Variants in ZKSCAN2 observed in about 807,000 individuals in gnomAD.
The protein encoded by ZKSCAN2 is zinc finger with KRAB and SCAN domains 2, also known as zinc finger protein with KRAB and SCAN domains 2.
ZKSCAN2 carries 38 observed loss-of-function variants against 90.5 expected under a neutral mutation model. The ratio of observed to expected loss-of-function variants is 0.42; its 90% CI spans 0.32 to 0.55. The LOEUF (loss-of-function observed/expected upper bound fraction) is 0.55, where lower values mean the gene tolerates loss of function less well. ZKSCAN2 is among the 20% of genes least tolerant of loss of function. ZKSCAN2 has a pLI of 0.11. For missense variants in ZKSCAN2, 1,167 were observed against 1,202.6 expected, an observed-to-expected ratio of 0.97 and a Z score of 0.44; for synonymous variants, 429 against 421.6, an observed-to-expected ratio of 1.02 and a Z score of -0.22.
At position 25,240,054 on chromosome 16, in the gene ZKSCAN2, C is replaced by T; in HGVS notation, c.2666G>A (p.Cys889Tyr). Residue 889 changes from cysteine (C) to tyrosine (Y), a missense_variant, in exon 7 of 7, where the codon TGT becomes TAT. Cys to Tyr is a radical substitution (Grantham distance 194, BLOSUM62 -2). Transcript: ENST00000328086. ...ATTGAAACTTTTTTCACAGTCCACA[C>T]ATTTGTAGGGATTCTCCCCAGTGTG... Reference protein sequence around the residue: ...RVHTGENPYKCVDCEKSFNNC... With the variant: ...RVHTGENPYKYVDCEKSFNNC... 1 of 1,614,098 alleles carries T rather than the reference C, an allele frequency of 6.2e-7. No individual in the cohort carries two copies. The highest frequency in any genetic ancestry group is 1.7e-5 in the Admixed American group (1 of 60,016).
chr16:25,236,954 A>G lies in ZKSCAN2; in HGVS notation c.*2862T>C, dbSNP rs1469061531. 2 of 152,632 alleles carry G rather than the reference A, an allele frequency of 1.3e-5. No homozygotes were observed. The allele number at this position is 152,632 out of a possible 1,614,324, so 9.5% of individuals were successfully genotyped here. On this transcript the variant is annotated 3_prime_UTR_variant, in exon 7 of 7. Coordinates refer to ENST00000328086, the MANE Select transcript of ZKSCAN2 (RefSeq NM_001012981.5). Reference sequence around the variant, plus strand: ...AAATATAGGTTGGGGTAGTTGGTTGAGGTGGGCTGTAAGTTTTGTTGAACT... The same window carrying G: ...AAATATAGGTTGGGGTAGTTGGTTGGGGTGGGCTGTAAGTTTTGTTGAACT...
chr16:25,254,374 T>C lies in ZKSCAN2; in HGVS notation c.586+832A>G, dbSNP rs556366214. Among the ~76,000 whole-genome samples, 16 of 152,372 alleles carry C rather than the reference T, an allele frequency of 1.1e-4. No homozygotes were observed. In the South Asian group the frequency reaches 3.1e-3, roughly 30 times the overall value. On this transcript the variant is annotated intron_variant, in intron 2 of 6. Transcript: ENST00000328086. ...CCTAGCATTTGACCTGAGTCATTAA[T>C]GTGCAGGGCAGCTATGAATGTCAGT...
rs1962774839 is a variant in ZKSCAN2, at chr16:25,236,838, CGATAA to C, written c.*2973_*2977del. Reference sequence around the variant, plus strand: ...ACGACCCCAGTTTCCAAAATGCCTTCGATAAGATGATAGTGAAAAGTTGTCAGTCT... The same window carrying C: ...ACGACCCCAGTTTCCAAAATGCCTTCGATGATAGTGAAAAGTTGTCAGTCT... On this transcript the variant is annotated 3_prime_UTR_variant, in exon 7 of 7. Coordinates refer to ENST00000328086, the MANE Select transcript of ZKSCAN2 (RefSeq NM_001012981.5). 6.6e-6 allele frequency: 1 copy of C among 152,206 alleles called. No individual in the cohort carries two copies. Among genetic ancestry groups the C allele is most frequent in the Non-Finnish European group, 1.5e-5 (1 of 68,012 alleles). The allele number at this position is 152,206 out of a possible 1,614,324, so 9.4% of individuals were successfully genotyped here. A position where few individuals can be genotyped will look rare whatever the true frequency, so the allele number is the denominator to read the frequency against.
intron 1 of ZKSCAN2, among the ~76,000 whole-genome samples, chr16:25,255,915 A>G (rs1419073477): frequency 1.3e-5 from 2 of 152,166 alleles, no homozygotes; most frequent in African/African-American, 4.8e-5. Flanking sequence ...AGAGAAGGAA[A>G]TCTGTCAGGA....
Position 25,238,268 on chromosome 16 carries a change from C to G in ZKSCAN2, c.*1548G>C, listed in dbSNP as rs1260707413. 3 of 152,258 alleles carry G rather than the reference C, an allele frequency of 2.0e-5. No homozygotes were observed. The highest frequency in any genetic ancestry group is 4.4e-5 in the Non-Finnish European group (3 of 68,040). The allele number at this position is 152,258 out of a possible 1,614,324, so 9.4% of individuals were successfully genotyped here. A position where few individuals can be genotyped will look rare whatever the true frequency, so the allele number is the denominator to read the frequency against. On this transcript the variant is annotated 3_prime_UTR_variant, in exon 7 of 7. Transcript: ENST00000328086. The stretch of plus-strand genomic sequence containing the variant: ...GCAAAATAATCACCCACAAACAGCC[C>G]TAACTCCGGTTCCCTTCCCATTAAA...
In ZKSCAN2 at chr16:25,240,278, G is replaced by A. The variant is rs1299332946; in HGVS notation, c.2442C>T (p.Asp814=). The A allele has an allele frequency of 6.2e-7, 1 of 1,613,908 alleles. No homozygotes were observed. The highest frequency in any genetic ancestry group is 8.5e-7 in the Non-Finnish European group (1 of 1,179,962). The change falls in exon 7 of 7, where the codon GAC becomes GAT. Residue 814 remains aspartate (D), a synonymous_variant. Transcript: ENST00000328086. ...TCTGGTGGGCACCAAAATTTGAGGA[G>A]TCATTAAAGCTTTTTCCACAGTCAA... is the stretch of plus-strand genomic sequence containing the variant. ...KCLDCGKSFN[D]SSNFGAHQRI... is the part of the protein sequence containing the mutation.
chr16:25,256,721 T>G lies in ZKSCAN2; in HGVS notation c.399+8A>C. ...CTAAGTACAAAAATTTGGAAAATCCTCTCTCACCTGCTGTCTTAGTCTTCC... is the reference window on the plus strand; with the variant it reads ...CTAAGTACAAAAATTTGGAAAATCCGCTCTCACCTGCTGTCTTAGTCTTCC... On this transcript the variant is annotated splice_region_variant and intron_variant, in intron 1 of 6. Transcript: ENST00000328086. 6.3e-7 allele frequency: 1 copy of G among 1,598,100 alleles called. No homozygotes were observed. The highest frequency in any genetic ancestry group is 8.5e-7 in the Non-Finnish European group (1 of 1,172,764).
At position 25,256,745 on chromosome 16, in the gene ZKSCAN2, C is replaced by T. The variant is rs766224298; in HGVS notation, c.383G>A (p.Gly128Glu). The T allele has an allele frequency of 6.2e-7, 1 of 1,612,718 alleles. No individual in the cohort carries two copies. The highest frequency in any genetic ancestry group is 1.7e-5 in the Admixed American group (1 of 59,660). Reference protein sequence around the residue: ...ALVVHLEKETGRLRQQVSSPV... With the variant: ...ALVVHLEKETERLRQQVSSPV... ...CTCTCTCACCTGCTGTCTTAGTCTT[C>T]CAGTCTCTTTCTCCAAATGCACTAC... The change falls in exon 1 of 7, where the codon GGA becomes GAA. Residue 128 changes from glycine (G) to glutamate (E), a missense_variant. Coordinates refer to ENST00000328086, the MANE Select transcript of ZKSCAN2 (RefSeq NM_001012981.5).
At chr16:25,249,358 C>T (rs1038732375) in intron 4 of ZKSCAN2, among the ~76,000 whole-genome samples, 14 of 152,068 alleles carry the variant, frequency 9.2e-5, no homozygotes, top group Non-Finnish European at 1.6e-4. Flanking sequence ...GGCACGATCT[C>T]GACTTGCCTC....
Position 25,239,871 on chromosome 16 carries a change from TAC to T in ZKSCAN2, c.2847_2848del (p.Tyr950LeufsTer3), listed in dbSNP as rs1962820612. Reference sequence around the variant, plus strand: ...TCCCTTATGTGGGTTCTCAGGGCAATACAGAGATGGAGGGTGTGGCAGAGGCT... The same window carrying T: ...TCCCTTATGTGGGTTCTCAGGGCAATAGAGATGGAGGGTGTGGCAGAGGCT... On this transcript the variant is annotated frameshift_variant, in exon 7 of 7. Transcript: ENST00000328086. LOFTEE classifies it high-confidence loss of function. The T allele has an allele frequency of 6.2e-7, 1 of 1,613,236 alleles. No homozygotes were observed. Among genetic ancestry groups the T allele is most frequent in the African/African-American group, 1.3e-5 (1 of 74,838 alleles).
chr16:25,248,317 A>AAAC (rs35846124), intron 4 of ZKSCAN2, among the ~76,000 whole-genome samples: 37,364 of 140,526 alleles, frequency 0.27, 5,946 homozygotes, highest in African/African-American at 0.42. Context: ...ATCTAATCCA[A>AAAC]AACAACAACA....
intron 2 of ZKSCAN2, among the ~76,000 whole-genome samples, chr16:25,254,085 T>A: frequency 6.6e-6 from 1 of 152,316 alleles, no homozygotes; most frequent in Middle Eastern, 3.4e-3. Context: ...CAAGGCCACA[T>A]AGATAAAAAA....
In ZKSCAN2 at chr16:25,240,612, T is replaced by C. The variant is rs1442538292; in HGVS notation, c.2108A>G (p.Tyr703Cys). 4.3e-6 allele frequency: 7 copies of C among 1,614,208 alleles called. No individual in the cohort carries two copies. The highest frequency in any genetic ancestry group is 5.1e-6 in the Non-Finnish European group (6 of 1,180,030). Residue 703 changes from tyrosine to cysteine, a missense_variant, in exon 7 of 7, where the codon TAT becomes TGT. Coordinates refer to ENST00000328086, the MANE Select transcript of ZKSCAN2 (RefSeq NM_001012981.5). Reference protein sequence around the residue: ...VVSQSTDPSKYRKRECISGRQ... With the variant: ...VVSQSTDPSKCRKRECISGRQ... Reference sequence around the variant, plus strand: ...TCCTGAGATGCATTCCCTTTTGCGATATTTGCTGGGGTCGGTACTCTGGGA... The same window carrying C: ...TCCTGAGATGCATTCCCTTTTGCGACATTTGCTGGGGTCGGTACTCTGGGA...
chr16:25,240,558 C>T lies in ZKSCAN2; in HGVS notation c.2162G>A (p.Arg721Lys). ...AGGCTGAGACATCGGCTTTCCCTGT[C>T]TAATTCCTTGAAGATTTTCCCATTG... is the stretch of plus-strand genomic sequence containing the variant. ...GRQWENLQGI[R>K]QGKPMSQPRD... Residue 721 changes from arginine to lysine, a missense_variant, in exon 7 of 7, where the codon AGA becomes AAA. By Grantham distance (26) the Arg-to-Lys change is conservative. Transcript: ENST00000328086. 1.9e-6 allele frequency: 3 copies of T among 1,614,212 alleles called. No individual in the cohort carries two copies. Among genetic ancestry groups the T allele is most frequent in the Non-Finnish European group, 2.5e-6 (3 of 1,180,048 alleles).
Position 25,256,885 on chromosome 16 carries a change from C to T in ZKSCAN2, c.243G>A (p.Lys81=), listed in dbSNP as rs1963111518. The change falls in exon 1 of 7, where the codon AAG becomes AAA. Residue 81 remains lysine (K), a synonymous_variant. Transcript: ENST00000328086. ...CRWLKPEMRS[K]EQILELLVIE... ...TCACCAGCAGCTCAAGTATTTGCTC[C>T]TTGGAACGCATTTCTGGCTTCAGCC... The T allele has an allele frequency of 6.2e-7, 1 of 1,614,210 alleles. No individual in the cohort carries two copies. Among genetic ancestry groups the T allele is most frequent in the Non-Finnish European group, 8.5e-7 (1 of 1,180,040 alleles).
At chr16:25,250,262 T>C (rs1483741675) in intron 4 of ZKSCAN2, among the ~76,000 whole-genome samples, 1 of 152,010 alleles carries the variant, frequency 6.6e-6, no homozygotes, top group Non-Finnish European at 1.5e-5. Flanking sequence ...CGAGCCGAGA[T>C]TGCACCACTG....
Position 25,239,710 on chromosome 16 carries a change from T to C in ZKSCAN2, c.*106A>G. ...GAAAGTGTTTAGTTTATTTATATTC[T>C]CAAGTTTATCTTGGAAATTACACTT... On this transcript the variant is annotated 3_prime_UTR_variant, in exon 7 of 7. Coordinates refer to ENST00000328086, the MANE Select transcript of ZKSCAN2 (RefSeq NM_001012981.5). The C allele has an allele frequency of 2.0e-6, 2 of 1,015,804 alleles. No homozygotes were observed. The highest frequency in any genetic ancestry group is 1.7e-5 in the South Asian group (1 of 58,584). 62.9% of individuals were successfully genotyped at this position (1,015,804 alleles called of 1,614,324 possible).
In ZKSCAN2 at chr16:25,256,738, T is replaced by G; in HGVS notation, c.390A>C (p.Leu130=). The change falls in exon 1 of 7, where the codon CTA becomes CTC. Residue 130 remains leucine, a synonymous_variant. Coordinates refer to ENST00000328086, the MANE Select transcript of ZKSCAN2 (RefSeq NM_001012981.5). ...VVHLEKETGR[L]RQQVSSPVHR... is the part of the protein sequence containing the mutation. ...GAAAATCCTCTCTCACCTGCTGTCT[T>G]AGTCTTCCAGTCTCTTTCTCCAAAT... The G allele has an allele frequency of 2.5e-6, 4 of 1,611,616 alleles. No individual in the cohort carries two copies. The highest frequency in any genetic ancestry group is 2.5e-6 in the Non-Finnish European group (3 of 1,178,918).
chr16:25,251,677 T>C (rs951056733), intron 4 of ZKSCAN2, among the ~76,000 whole-genome samples: 8 of 152,224 alleles, frequency 5.3e-5, no homozygotes, highest in Non-Finnish European at 8.8e-5. Flanking sequence ...AATACAAATA[T>C]GATAGTCATA....
Sources: allele counts gnomAD v4.1 joint callset (sites outside exome capture counted in the v4.1 genomes callset), GRCh38; gene constraint gnomAD v4.1.1; transcripts MANE v1.5; gene names NCBI Gene and HGNC (gene_info 2026-07-23, HGNC 2026-07-21).